The following CDH8 variants were observed in gnomAD, a reference collection of about 807,000 sequenced individuals.
CDH8 encodes the protein cadherin 8, also known as cadherin-8.
In CDH8, 17 loss-of-function variants were observed where a neutral mutation model predicts 68.1. The observed-to-expected ratio is 0.25, with a 90% CI of 0.17 to 0.37. CDH8 has a LOEUF of 0.37. Among genes scored for constraint, CDH8 ranks in the 10% least tolerant of loss-of-function variants. CDH8 has a pLI of 1.00. For synonymous variants in CDH8, 372 were observed against 365.1 expected, an observed-to-expected ratio of 1.02 and a Z score of -0.21; for missense variants, 763 against 999.3, an observed-to-expected ratio of 0.76 and a Z score of 3.19.
intron 2 of CDH8, among the ~76,000 whole-genome samples, chr16:61,994,865 G>T (rs1965783419): frequency 6.6e-6 from 1 of 152,072 alleles, no homozygotes; most frequent in Admixed American, 6.5e-5. Context: ...TGCTCTTCAC[G>T]TTAGAATCAC....
chr16:61,760,235 T>G (rs1205499916), intron 8 of CDH8, among the ~76,000 whole-genome samples: 1 of 152,134 alleles, frequency 6.6e-6, no homozygotes, highest in African/African-American at 2.4e-5. Flanking sequence ...TTTAAACCAC[T>G]AAGTTTGGGG....
intron 10 of CDH8, among the ~76,000 whole-genome samples, chr16:61,687,054 G>A (rs1049503030): frequency 1.3e-5 from 2 of 151,992 alleles, no homozygotes; most frequent in African/African-American, 4.8e-5. Context: ...CTACGGTACT[G>A]TAAACTTTAA....
chr16:61,976,507 A>G (rs1033184129), intron 2 of CDH8, among the ~76,000 whole-genome samples: 20 of 152,148 alleles, frequency 1.3e-4, no homozygotes, highest in African/African-American at 4.3e-4. Context: ...TGGAGGGACC[A>G]GAGGCAGAGT....
chr16:61,720,767 G>A (rs1399455711), intron 9 of CDH8, among the ~76,000 whole-genome samples: 4 of 150,714 alleles, frequency 2.7e-5, no homozygotes, highest in South Asian at 2.1e-4. Context: ...TCCAATATTA[G>A]AGCAATAGAT....
intron 3 of CDH8, among the ~76,000 whole-genome samples, chr16:61,860,708 C>T (rs548607139): frequency 6.6e-6 from 1 of 152,148 alleles, no homozygotes; most frequent in African/African-American, 2.4e-5. Context: ...GTTCCAGTCA[C>T]TGCATATGTA....
At chr16:61,798,845 C>T (rs1195515124) in intron 7 of CDH8, among the ~76,000 whole-genome samples, 1 of 152,112 alleles carries the variant, frequency 6.6e-6, no homozygotes, top group Non-Finnish European at 1.5e-5. Context: ...ATAGTTCTGT[C>T]TTGTTTTCTT....
At chr16:61,833,096 T>C (rs1037307050) in intron 4 of CDH8, among the ~76,000 whole-genome samples, 1 of 151,684 alleles carries the variant, frequency 6.6e-6, no homozygotes, top group South Asian at 2.1e-4. Context: ...TGATCTCATA[T>C]ACAAAACGTT....
chr16:61,778,131 T>C (rs1444460820), intron 8 of CDH8, among the ~76,000 whole-genome samples: 1 of 152,084 alleles, frequency 6.6e-6, no homozygotes, highest in Admixed American at 6.6e-5. Flanking sequence ...CTGCCCACTT[T>C]AGGCTCTTAT....
rs993286833 is a variant in CDH8, at chr16:61,647,642, T to C, written c.*5966A>G. 3.5e-6 allele frequency: 2 copies of C among 574,784 alleles called. No homozygotes were observed. The highest frequency in any genetic ancestry group is 3.8e-5 in the African/African-American group (2 of 52,308). 35.6% of individuals were successfully genotyped at this position (574,784 alleles called of 1,614,324 possible). On this transcript the variant is annotated 3_prime_UTR_variant, in exon 12 of 12. Coordinates refer to ENST00000577390, the MANE Select transcript of CDH8 (RefSeq NM_001796.5). ...TTTGGGGGGTGATCCCAATGACTCCTAAATTGTCATGGTCCATCTTAGAGC... is the reference window on the plus strand; with the variant it reads ...TTTGGGGGGTGATCCCAATGACTCCCAAATTGTCATGGTCCATCTTAGAGC...
chr16:61,925,710 C>T (rs1964446224), intron 2 of CDH8, among the ~76,000 whole-genome samples: 1 of 152,152 alleles, frequency 6.6e-6, no homozygotes, highest in South Asian at 2.1e-4. Flanking sequence ...TCTGCAAGAG[C>T]ACAATATACT....
intron 4 of CDH8, among the ~76,000 whole-genome samples, chr16:61,849,397 C>T (rs1047394003): frequency 1.3e-5 from 2 of 152,038 alleles, no homozygotes; most frequent in African/African-American, 4.8e-5. Context: ...TCTTTGGCTT[C>T]CTCCCAAGTC....
At chr16:61,982,343 G>T (rs976498945) in intron 2 of CDH8, among the ~76,000 whole-genome samples, 2 of 151,764 alleles carry the variant, frequency 1.3e-5, no homozygotes, top group African/African-American at 4.8e-5. Flanking sequence ...CCTCAGTCTC[G>T]CGAGTAGCTG....
chr16:61,981,681 T>TGTGTGCGCGCGCGC (rs747443852), intron 2 of CDH8, among the ~76,000 whole-genome samples: 2 of 141,758 alleles, frequency 1.4e-5, no homozygotes, highest in African/African-American at 5.6e-5. Context: ...TGTGTGTGTG[T>TGTGTGCGCGCGCGC]GCGCGCGCGC....
chr16:61,855,035 T>C (rs1002424517), intron 4 of CDH8, among the ~76,000 whole-genome samples: 2 of 152,178 alleles, frequency 1.3e-5, no homozygotes, highest in African/African-American at 4.8e-5. Flanking sequence ...ATTTAAATTG[T>C]GTCCACCTTA....
intron 3 of CDH8, among the ~76,000 whole-genome samples, chr16:61,862,585 T>C (rs919681527): frequency 1.3e-5 from 2 of 152,192 alleles, no homozygotes; most frequent in Admixed American, 6.5e-5. Flanking sequence ...TTTCTCCTAA[T>C]AGTGACTCAA....
rs141423512 is a variant in CDH8, at chr16:61,764,603, T to A, written c.1414+24743A>T. ...CACTAGAGATTCTCTGTCATCCTAGTCTCTCATATCATGAGTTATTGAAGG... is the reference window on the plus strand; with the variant it reads ...CACTAGAGATTCTCTGTCATCCTAGACTCTCATATCATGAGTTATTGAAGG... On this transcript the variant is annotated intron_variant, in intron 8 of 11. Transcript: ENST00000577390. 1.4e-4 allele frequency among the ~76,000 whole-genome samples: 22 copies of A among 152,222 alleles called. No homozygotes were observed. The East Asian group carries it at 3.5e-3, about 24-fold the overall frequency.
At chr16:61,781,953 G>A (rs1235231393) in intron 8 of CDH8, among the ~76,000 whole-genome samples, 2 of 152,174 alleles carry the variant, frequency 1.3e-5, no homozygotes, top group South Asian at 2.1e-4. Context: ...TAAGGCAGGG[G>A]AAACAGCAAA....
chr16:61,977,645 G>A (rs1353391407), intron 2 of CDH8, among the ~76,000 whole-genome samples: 1 of 152,022 alleles, frequency 6.6e-6, no homozygotes, highest in Non-Finnish European at 1.5e-5. Context: ...GATTTGGGGA[G>A]GTAAAGTGAA....
At chr16:61,779,908 T>C (rs554061870) in intron 8 of CDH8, among the ~76,000 whole-genome samples, 59 of 152,258 alleles carry the variant, frequency 3.9e-4, no homozygotes, top group African/African-American at 1.3e-3. Flanking sequence ...AGCAAGAAGA[T>C]AAAGAGGAAA....
Sources: allele counts gnomAD v4.1 joint callset (sites outside exome capture counted in the v4.1 genomes callset), GRCh38; gene constraint gnomAD v4.1.1; transcripts MANE v1.5; gene names NCBI Gene and HGNC (gene_info 2026-07-23, HGNC 2026-07-21).